The following SORCS2 variants were observed in gnomAD, a reference collection of about 807,000 sequenced individuals.
SORCS2 encodes VPS10 domain-containing receptor SorCS2.
Under a neutral mutation model 141.6 loss-of-function variants are expected in SORCS2, and 100 were observed. The ratio of observed to expected loss-of-function variants is 0.71; its 90% CI spans 0.60 to 0.83. SORCS2 has a LOEUF of 0.83. Ranked by LOEUF, SORCS2 falls within the 40% of genes least tolerant of loss-of-function variation. SORCS2 has a pLI of 0.00. For missense variants in SORCS2, 1,646 were observed against 1,560.2 expected (o/e 1.05, Z -0.93); for synonymous variants, 789 against 676.9 (o/e 1.17, Z -2.57).
chr4:7,544,206 T>C (rs562088788), intron 3 of SORCS2, among the ~76,000 whole-genome samples: 1 of 152,230 alleles, frequency 6.6e-6, no homozygotes, highest in Non-Finnish European at 1.5e-5. Context: ...CATCCACTCG[T>C]GCATTCATCA....
chr4:7,439,253 A>G (rs1271542837), intron 2 of SORCS2, among the ~76,000 whole-genome samples: 1 of 152,114 alleles, frequency 6.6e-6, no homozygotes, highest in East Asian at 1.9e-4. Flanking sequence ...TCACAAGACT[A>G]CGAGTTCATA....
At chr4:7,406,328 T>C (rs1724968164) in intron 2 of SORCS2, among the ~76,000 whole-genome samples, 1 of 151,518 alleles carries the variant, frequency 6.6e-6, no homozygotes, top group African/African-American at 2.4e-5. Context: ...CTTCTTTAAA[T>C]GTTTGGTAGA....
intron 12 of SORCS2, among the ~76,000 whole-genome samples, chr4:7,700,679 G>A (rs10011992): frequency 0.53 from 80,214 of 151,852 alleles, 21,421 homozygotes; most frequent in East Asian, 0.76. Context: ...GAGGATCCCG[G>A]CATGACAACT....
At chr4:7,697,320 G>A (rs752929625) in intron 12 of SORCS2, 46 bp downstream of exon 12, 18 of 1,472,828 alleles carry the variant, frequency 1.2e-5, no homozygotes, top group African/African-American at 2.8e-5. Flanking sequence ...CCATCCAGCC[G>A]GGACCCTCAG....
chr4:7,647,133 G>T (rs1204550675), intron 4 of SORCS2, among the ~76,000 whole-genome samples: 1 of 152,216 alleles, frequency 6.6e-6, no homozygotes, highest in Non-Finnish European at 1.5e-5. Flanking sequence ...GACACAGCTT[G>T]CGCAAAGGCC....
chr4:7,588,614 C>T (rs1560408150), intron 3 of SORCS2, among the ~76,000 whole-genome samples: 1 of 152,172 alleles, frequency 6.6e-6, no homozygotes, highest in African/African-American at 2.4e-5. Flanking sequence ...CTGGCCTTAC[C>T]AGCAGATGTG....
At chr4:7,673,696 C>T (rs557857309) in intron 8 of SORCS2, among the ~76,000 whole-genome samples, 5 of 152,208 alleles carry the variant, frequency 3.3e-5, no homozygotes, top group Non-Finnish European at 5.9e-5. Context: ...TTGTAGAACA[C>T]ATTTACCCAA....
chr4:7,502,879 T>C (rs986322776), intron 2 of SORCS2, among the ~76,000 whole-genome samples: 1 of 152,256 alleles, frequency 6.6e-6, no homozygotes, highest in African/African-American at 2.4e-5. Flanking sequence ...GAGAGGAGAA[T>C]ATTATAAAAC....
chr4:7,646,738 C>A (rs1292531005), intron 4 of SORCS2, among the ~76,000 whole-genome samples: 2 of 152,230 alleles, frequency 1.3e-5, no homozygotes, highest in Non-Finnish European at 2.9e-5. Flanking sequence ...CCTGCCGATA[C>A]CTTGATCTTG....
At chr4:7,296,882 T>G (rs1442353803) in intron 1 of SORCS2, among the ~76,000 whole-genome samples, 4 of 152,158 alleles carry the variant, frequency 2.6e-5, no homozygotes, top group Non-Finnish European at 4.4e-5. Context: ...CATGGGTGCC[T>G]CGACTCCCCA....
chr4:7,365,919 T>A (rs886501541), intron 1 of SORCS2, among the ~76,000 whole-genome samples: 5 of 152,210 alleles, frequency 3.3e-5, no homozygotes, highest in Admixed American at 6.5e-5. Flanking sequence ...GGGCTGTCCC[T>A]GCCCCCTGTG....
At chr4:7,403,757 T>C (rs1236582885) in intron 2 of SORCS2, among the ~76,000 whole-genome samples, 1 of 150,798 alleles carries the variant, frequency 6.6e-6, no homozygotes, top group Non-Finnish European at 1.5e-5. Flanking sequence ...TTTATTATGA[T>C]TTATATATAT....
chr4:7,249,761 C>T (rs1348332620), intron 1 of SORCS2, among the ~76,000 whole-genome samples: 1 of 152,212 alleles, frequency 6.6e-6, no homozygotes, highest in Non-Finnish European at 1.5e-5. Context: ...AACTCCCTTC[C>T]CCTCCTGCGG....
chr4:7,415,081 A>G (rs921509775), intron 2 of SORCS2, among the ~76,000 whole-genome samples: 3 of 152,232 alleles, frequency 2.0e-5, no homozygotes, highest in South Asian at 2.1e-4. Context: ...AGTTAAAGTA[A>G]AAACGAGGTA....
At chr4:7,435,926 T>G (rs1197887552) in intron 2 of SORCS2, among the ~76,000 whole-genome samples, 1 of 152,218 alleles carries the variant, frequency 6.6e-6, no homozygotes, top group African/African-American at 2.4e-5. Flanking sequence ...TGTCCTCAGC[T>G]CAGCTTCCTG....
At chr4:7,211,614 C>A (rs111335100) in intron 1 of SORCS2, among the ~76,000 whole-genome samples, 1 of 152,170 alleles carries the variant, frequency 6.6e-6, no homozygotes, top group Non-Finnish European at 1.5e-5. Flanking sequence ...CTCAAGTGAT[C>A]CCCCTGCCTC....
chr4:7,404,426 G>A (rs10010627), intron 2 of SORCS2, among the ~76,000 whole-genome samples: 23,206 of 152,090 alleles, frequency 0.15, 1,905 homozygotes, highest in Non-Finnish European at 0.18. Context: ...AGCAATCTCT[G>A]AACTGTTTTC....
At position 7,426,099 on chromosome 4, in the gene SORCS2, G is replaced by A. The variant is rs925888645; in HGVS notation, c.548+29744G>A. On this transcript the variant is annotated intron_variant, in intron 2 of 26. Coordinates refer to ENST00000507866, the MANE Select transcript of SORCS2 (RefSeq NM_020777.3). The stretch of plus-strand genomic sequence containing the variant: ...ATTCTCCATCGCTTGCTGTTCATCA[G>A]TGTATGTCCTCCCGAAACAGATGCA... Among the ~76,000 whole-genome samples the A allele has an allele frequency of 7.9e-5, 12 of 152,344 alleles. No homozygotes were observed. The East Asian group carries it at 2.3e-3, about 29-fold the overall frequency.
chr4:7,599,134 G>C (rs999588453), intron 3 of SORCS2, among the ~76,000 whole-genome samples: 1 of 152,074 alleles, frequency 6.6e-6, no homozygotes, highest in Non-Finnish European at 1.5e-5. Flanking sequence ...TCCTTCCGCA[G>C]GCTTCTCATG....
Sources: gnomAD v4.1 joint callset for allele counts (sites outside exome capture counted in the v4.1 genomes callset) on GRCh38, gnomAD v4.1.1 for gene constraint, MANE v1.5 for transcripts, NCBI Gene and HGNC (gene_info 2026-07-23, HGNC 2026-07-21) for gene names.